GBA1: variants seen among roughly 807,000 people sequenced by gnomAD.
GBA1 encodes the protein lysosomal acid glucosylceramidase.
At chr1:155,236,483 G>A in the GBA1 span, 3 of 1,599,706 alleles carry the variant, frequency 1.9e-6, no homozygotes, top group East Asian at 4.5e-5. Context: ...CAAAGGAAGA[G>A]CAACTGATCC....
the GBA1 span, chr1:155,237,256 A>G: frequency 5.3e-5 from 85 of 1,603,088 alleles, no homozygotes; most frequent in South Asian, 8.1e-4. Context: ...ATAGTTGGGT[A>G]GAGAAATCGC....
the GBA1 span, chr1:155,239,948 G>A: frequency 1.9e-6 from 3 of 1,614,134 alleles, no homozygotes; most frequent in Non-Finnish European, 8.5e-7. Flanking sequence ...CCCACTGCGT[G>A]TACTCTCATA....
At chr1:155,240,050 A>G in the GBA1 span, 2 of 1,613,930 alleles carry the variant, frequency 1.2e-6, no homozygotes, top group Non-Finnish European at 1.7e-6. Context: ...GCTGTAGCCG[A>G]AGCTTTTAGG....
chr1:155,240,533 A>G, the GBA1 span: 2 of 942,134 alleles, frequency 2.1e-6, no homozygotes, highest in East Asian at 2.4e-5. Context: ...TTGAGCACCT[A>G]CTAAAAGTCT....
the GBA1 span, chr1:155,240,956 C>T: frequency 1.1e-6 from 1 of 923,282 alleles, no homozygotes; most frequent in East Asian, 2.4e-5. Flanking sequence ...TTCGACCCCT[C>T]CCTCCATCTG....
chr1:155,241,143 C>T, the GBA1 span: 1 of 1,610,600 alleles, frequency 6.2e-7, no homozygotes, highest in Non-Finnish European at 8.5e-7. Context: ...AAGAGAAGAC[C>T]ACAGGGGTTC....
chr1:155,235,935 G>A, the GBA1 span: 4 of 1,495,036 alleles, frequency 2.7e-6, no homozygotes, highest in South Asian at 4.6e-5. Flanking sequence ...AGAGGCAGCT[G>A]TGGGTAGGTC....
chr1:155,241,148 G>T, the GBA1 span: 1 of 1,606,944 alleles, frequency 6.2e-7, no homozygotes, highest in African/African-American at 1.3e-5. Flanking sequence ...AAGACCACAG[G>T]GGTTCCAGAG....
chr1:155,243,849 T>G, the GBA1 span, among the ~76,000 whole-genome samples: 3 of 151,888 alleles, frequency 2.0e-5, no homozygotes, highest in Non-Finnish European at 4.4e-5. Flanking sequence ...CTCGGTTCAC[T>G]GCAACCTCCG....
chr1:155,243,184 G>A, the GBA1 span, among the ~76,000 whole-genome samples: 1 of 152,252 alleles, frequency 6.6e-6, no homozygotes, highest in Non-Finnish European at 1.5e-5. Flanking sequence ...CCTGGCACAG[G>A]GGTAGCTGTC....
At chr1:155,236,467 T>G in the GBA1 span, 1 of 1,612,958 alleles carries the variant, frequency 6.2e-7, no homozygotes, top group Non-Finnish European at 8.5e-7. Flanking sequence ...GGTCTGTCAG[T>G]ACCTGCAAAG....
At chr1:155,240,816 G>A in the GBA1 span, 21 of 1,052,790 alleles carry the variant, frequency 2.0e-5, no homozygotes, top group South Asian at 5.0e-5. Context: ...CCCATGGCCC[G>A]GTCTCCCACA....
At chr1:155,242,988 C>G in the GBA1 span, among the ~76,000 whole-genome samples, 12 of 152,214 alleles carry the variant, frequency 7.9e-5, no homozygotes, top group Admixed American at 7.2e-4. Flanking sequence ...ATCAATCACT[C>G]TAAGCCTCTG....
At chr1:155,237,232 T>C in the GBA1 span, 10 of 1,574,508 alleles carry the variant, frequency 6.4e-6, no homozygotes, top group Non-Finnish European at 8.6e-6. Context: ...AGGGGAATGG[T>C]GCTCTAGGAA....
the GBA1 span, chr1:155,237,833 C>T: frequency 1.3e-6 from 1 of 751,780 alleles, no homozygotes; most frequent in East Asian, 2.7e-5. Context: ...ACTCAGGAGG[C>T]AGAGGTTACA....
the GBA1 span, chr1:155,239,900 T>G: frequency 1.2e-6 from 2 of 1,613,900 alleles, no homozygotes; most frequent in African/African-American, 2.7e-5. Context: ...GCCCGTGTGA[T>G]TAGCCTGGAT....
At chr1:155,238,291 G>A in the GBA1 span, 17 of 1,584,208 alleles carry the variant, frequency 1.1e-5, no homozygotes, top group Admixed American at 1.8e-5. Flanking sequence ...TGCAGGGCTC[G>A]GTGAATCAGG....
chr1:155,238,672 A>G, the GBA1 span: 1 of 1,613,586 alleles, frequency 6.2e-7, no homozygotes, highest in Non-Finnish European at 8.5e-7. Context: ...GATGATCAAG[A>G]TATGGTAGTC....
chr1:155,243,402 A>G, the GBA1 span, among the ~76,000 whole-genome samples: 3 of 152,222 alleles, frequency 2.0e-5, no homozygotes, highest in Admixed American at 2.0e-4. Context: ...TTAGAAGTCC[A>G]AACATCTCCT....
Sources: allele counts gnomAD v4.1 joint callset (sites outside exome capture counted in the v4.1 genomes callset), GRCh38; gene constraint gnomAD v4.1.1; transcripts MANE v1.5; gene names NCBI Gene and HGNC (gene_info 2026-07-23, HGNC 2026-07-21).